The following PRKCA variants were observed in gnomAD, a reference collection of about 807,000 sequenced individuals.
PRKCA encodes the protein protein kinase C alpha type.
A neutral mutation model predicts 87.0 loss-of-function variants in PRKCA; 27 were observed. That is an observed-to-expected ratio of 0.31 (90% CI 0.23 to 0.43). PRKCA has a LOEUF of 0.43. Ranked by LOEUF, PRKCA falls within the 20% of genes least tolerant of loss-of-function variation. The probability of loss-of-function intolerance (pLI) is 1.00; values close to 1 mark genes in which losing one functional copy is unlikely to be tolerated. For synonymous variants in PRKCA, 329 were observed against 311.1 expected (o/e 1.06, Z -0.61); for missense variants, 518 against 852.3 (o/e 0.61, Z 4.88).
At chr17:66,369,453 C>T (rs913058856) in intron 2 of PRKCA, among the ~76,000 whole-genome samples, 2 of 152,132 alleles carry the variant, frequency 1.3e-5, no homozygotes, top group African/African-American at 4.8e-5. Flanking sequence ...TCCTCCTCTT[C>T]CTGTCCTCTT....
chr17:66,747,938 G>A (rs1223210787), intron 13 of PRKCA, among the ~76,000 whole-genome samples: 1 of 152,224 alleles, frequency 6.6e-6, no homozygotes, highest in Non-Finnish European at 1.5e-5. Flanking sequence ...GGGCCAGAAA[G>A]AGGAGCCCAG....
chr17:66,596,129 A>G (rs1432707186), intron 3 of PRKCA, among the ~76,000 whole-genome samples: 1 of 152,066 alleles, frequency 6.6e-6, no homozygotes, highest in Admixed American at 6.6e-5. Flanking sequence ...TTGCTCCCTT[A>G]GTCTCTGTAA....
At chr17:66,453,361 A>G (rs1450598665) in intron 2 of PRKCA, among the ~76,000 whole-genome samples, 1 of 150,896 alleles carries the variant, frequency 6.6e-6, no homozygotes, top group African/African-American at 2.4e-5. Flanking sequence ...TTTGTCACCC[A>G]GACTGGAGCG....
intron 14 of PRKCA, chr17:66,777,635 G>A (rs1868492950): frequency 1.0e-6 from 1 of 985,142 alleles, no homozygotes; most frequent in African/African-American, 1.7e-5. Context: ...TGCTTTTCAT[G>A]AAGTCACAAA....
At chr17:66,634,442 G>T (rs1213854125) in intron 3 of PRKCA, among the ~76,000 whole-genome samples, 1 of 152,248 alleles carries the variant, frequency 6.6e-6, no homozygotes, top group Non-Finnish European at 1.5e-5. Flanking sequence ...TAAAAAGGAA[G>T]ACTAATATGT....
intron 2 of PRKCA, among the ~76,000 whole-genome samples, chr17:66,425,217 C>T (rs1056424286): frequency 2.0e-5 from 3 of 152,186 alleles, no homozygotes; most frequent in Admixed American, 6.5e-5. Context: ...TAGTTCTTTT[C>T]TTTTCGTGAT....
At chr17:66,388,771 T>A (rs994304591) in intron 2 of PRKCA, among the ~76,000 whole-genome samples, 2 of 152,280 alleles carry the variant, frequency 1.3e-5, no homozygotes, top group South Asian at 2.1e-4. Flanking sequence ...CACCTTCCTA[T>A]ACACAAAGAC....
intron 2 of PRKCA, among the ~76,000 whole-genome samples, chr17:66,396,570 T>A (rs1910677616): frequency 6.6e-6 from 1 of 152,032 alleles, no homozygotes; most frequent in Non-Finnish European, 1.5e-5. Context: ...TTTCAAGAAT[T>A]TAGCTTTTAA....
intron 2 of PRKCA, among the ~76,000 whole-genome samples, chr17:66,451,371 T>TATTA (rs1914308306): frequency 6.6e-6 from 1 of 151,394 alleles, no homozygotes; most frequent in African/African-American, 2.4e-5. Context: ...TTTATTTATT[T>TATTA]ATTTATTTAT....
At chr17:66,527,563 T>G (rs546371512) in intron 3 of PRKCA, among the ~76,000 whole-genome samples, 19 of 152,356 alleles carry the variant, frequency 1.2e-4, no homozygotes, top group African/African-American at 4.3e-4. Flanking sequence ...ACTGATCCGC[T>G]CTGCCTGCCT....
chr17:66,769,788 C>G (rs1240816364), intron 13 of PRKCA, among the ~76,000 whole-genome samples: 3 of 152,180 alleles, frequency 2.0e-5, no homozygotes, highest in Non-Finnish European at 4.4e-5. Flanking sequence ...TCTTGTGATC[C>G]TTTTCAAAGA....
At chr17:66,346,716 G>A (rs544509095) in intron 2 of PRKCA, among the ~76,000 whole-genome samples, 40 of 152,166 alleles carry the variant, frequency 2.6e-4, no homozygotes, top group African/African-American at 9.4e-4. Flanking sequence ...GAATTTTTTA[G>A]TATAGATTAA....
chr17:66,718,508 G>C (rs1368333326), intron 8 of PRKCA, among the ~76,000 whole-genome samples: 1 of 152,142 alleles, frequency 6.6e-6, no homozygotes, highest in Non-Finnish European at 1.5e-5. Context: ...GTAGAGATGG[G>C]GGTCTCACTG....
intron 2 of PRKCA, among the ~76,000 whole-genome samples, chr17:66,468,802 C>T (rs1200006246): frequency 6.6e-6 from 1 of 152,106 alleles, no homozygotes; most frequent in Non-Finnish European, 1.5e-5. Flanking sequence ...CAGGAGAAAC[C>T]CAGATTCCCA....
At chr17:66,578,671 C>G (rs1236129281) in intron 3 of PRKCA, among the ~76,000 whole-genome samples, 1 of 152,144 alleles carries the variant, frequency 6.6e-6, no homozygotes, top group Non-Finnish European at 1.5e-5. Context: ...TCTTGGATGC[C>G]CATGTTTGTC....
intron 3 of PRKCA, among the ~76,000 whole-genome samples, chr17:66,515,794 CT>C (rs1255761653): frequency 2.0e-5 from 3 of 152,194 alleles, no homozygotes; most frequent in Admixed American, 6.5e-5. Flanking sequence ...ATCCGCCCAC[CT>C]CGGCTTTGCA....
chr17:66,315,127 A>G (rs1905251982), intron 2 of PRKCA, among the ~76,000 whole-genome samples: 1 of 152,128 alleles, frequency 6.6e-6, no homozygotes, highest in South Asian at 2.1e-4. Context: ...TTGAAACACT[A>G]CAACTGATAG....
intron 2 of PRKCA, among the ~76,000 whole-genome samples, chr17:66,339,408 G>A (rs896044170): frequency 6.6e-6 from 1 of 152,046 alleles, no homozygotes; most frequent in African/African-American, 2.4e-5. Context: ...CTTCCACTTG[G>A]AATAAGATCC....
intron 2 of PRKCA, among the ~76,000 whole-genome samples, chr17:66,467,803 A>C (rs3848425): frequency 0.48 from 72,164 of 151,770 alleles, 18,365 homozygotes; most frequent in African/African-American, 0.65. Context: ...AGCGATCCCC[A>C]CGCCTTGGCC....
Sources: allele counts gnomAD v4.1 joint callset (sites outside exome capture counted in the v4.1 genomes callset), GRCh38; gene constraint gnomAD v4.1.1; transcripts MANE v1.5; gene names NCBI Gene and HGNC (gene_info 2026-07-23, HGNC 2026-07-21).